The following HIPK2 variants were observed in gnomAD, a reference collection of about 807,000 sequenced individuals.
HIPK2 encodes the protein homeodomain interacting protein kinase 2.
Under a neutral mutation model 113.7 loss-of-function variants are expected in HIPK2, and 27 were observed. The observed-to-expected ratio is 0.24, with a 90% CI of 0.17 to 0.33. The LOEUF (loss-of-function observed/expected upper bound fraction) is 0.33, where lower values mean the gene tolerates loss of function less well. Among genes scored for constraint, HIPK2 ranks in the 10% least tolerant of loss-of-function variants. HIPK2 has a pLI of 1.00. For synonymous variants in HIPK2, 631 were observed against 642.2 expected, an observed-to-expected ratio of 0.98 and a Z score of 0.26; for missense variants, 1,257 against 1,588.0, an observed-to-expected ratio of 0.79 and a Z score of 3.54.
chr7:139,671,716 A>AT (rs1218483984), intron 2 of HIPK2, among the ~76,000 whole-genome samples: 3 of 151,986 alleles, frequency 2.0e-5, no homozygotes, highest in Middle Eastern at 3.2e-3. Flanking sequence ...ACCCCAGCTA[A>AT]TTTTTTTGCA....
At chr7:139,627,074 C>A (rs1178475491) in intron 5 of HIPK2, among the ~76,000 whole-genome samples, 1 of 152,186 alleles carries the variant, frequency 6.6e-6, no homozygotes, top group Non-Finnish European at 1.5e-5. Context: ...ACTGCTCCTG[C>A]TTTCATCAGT....
At chr7:139,666,665 T>C (rs1369581682) in intron 2 of HIPK2, among the ~76,000 whole-genome samples, 2 of 152,202 alleles carry the variant, frequency 1.3e-5, no homozygotes, top group African/African-American at 2.4e-5. Context: ...TTTGGGGATA[T>C]GGACTGATGC....
At chr7:139,710,027 C>T (rs1795015846) in intron 2 of HIPK2, among the ~76,000 whole-genome samples, 1 of 152,200 alleles carries the variant, frequency 6.6e-6, no homozygotes, top group Non-Finnish European at 1.5e-5. Flanking sequence ...TGAGTAACAA[C>T]AGTTGTCTCC....
chr7:139,671,485 T>C (rs1203553559), intron 2 of HIPK2, among the ~76,000 whole-genome samples: 1 of 152,234 alleles, frequency 6.6e-6, no homozygotes, highest in Non-Finnish European at 1.5e-5. Context: ...TTGAAGATGA[T>C]TAAGAACTGT....
intron 2 of HIPK2, among the ~76,000 whole-genome samples, chr7:139,699,382 C>T (rs1457198418): frequency 3.3e-5 from 5 of 152,126 alleles, no homozygotes; most frequent in Non-Finnish European, 4.4e-5. Context: ...GTCTCGCTTG[C>T]TAGATGGAAA....
At chr7:139,720,643 T>G (rs1795380906) in intron 1 of HIPK2, among the ~76,000 whole-genome samples, 1 of 152,220 alleles carries the variant, frequency 6.6e-6, no homozygotes, top group Non-Finnish European at 1.5e-5. Flanking sequence ...TCCATATTGT[T>G]CTAGATGTTG....
intron 1 of HIPK2, among the ~76,000 whole-genome samples, chr7:139,723,677 T>G (rs1172906334): frequency 6.6e-6 from 1 of 152,166 alleles, no homozygotes; most frequent in Non-Finnish European, 1.5e-5. Flanking sequence ...AATTATCTAC[T>G]GGAAGATCAG....
intron 2 of HIPK2, among the ~76,000 whole-genome samples, chr7:139,663,863 A>G (rs1353818055): frequency 1.3e-5 from 2 of 152,180 alleles, no homozygotes; most frequent in Non-Finnish European, 2.9e-5. Context: ...GCTTTCCCGA[A>G]GCCCACCCAT....
chr7:139,669,181 A>G (rs1311439049), intron 2 of HIPK2, among the ~76,000 whole-genome samples: 1 of 152,208 alleles, frequency 6.6e-6, no homozygotes, highest in African/African-American at 2.4e-5. Flanking sequence ...GAAGAATCAC[A>G]GAGTCCTCTC....
At chr7:139,621,276 T>C (rs1157536057) in intron 6 of HIPK2, among the ~76,000 whole-genome samples, 2 of 152,014 alleles carry the variant, frequency 1.3e-5, no homozygotes, top group Admixed American at 1.3e-4. Flanking sequence ...CTTAGGGAGG[T>C]AGGGAGTTTG....
intron 1 of HIPK2, chr7:139,722,153 C>A: frequency 4.6e-6 from 1 of 216,700 alleles, no homozygotes; most frequent in South Asian, 5.3e-5. Context: ...CACTGAAGAA[C>A]AAATTTATTA....
Position 139,613,167 on chromosome 7 carries a change from G to A in HIPK2, c.2112+35C>T. 1 of 1,610,936 alleles carries A rather than the reference G, an allele frequency of 6.2e-7. No individual in the cohort carries two copies. The highest frequency in any genetic ancestry group is 1.7e-5 in the Admixed American group (1 of 59,834). On this transcript the variant is annotated intron_variant, in intron 9 of 14. Coordinates refer to ENST00000406875, the MANE Select transcript of HIPK2 (RefSeq NM_022740.5). This position sits in a 1 kb window ranked among gnomAD's most constrained non-coding sequence, Gnocchi z 4.2. ...TGTGAACAACATTAACACAGGTAAT[G>A]GTAATACCAGTAATAATAAAGGAGA...
At position 139,581,550 on chromosome 7, in the gene HIPK2, T is replaced by C. The variant is rs566303740; in HGVS notation, c.2965+2267A>G. 1.4e-4 allele frequency among the ~76,000 whole-genome samples: 21 copies of C among 151,452 alleles called. No homozygotes were observed. The South Asian group carries it at 4.0e-3, about 29-fold the overall frequency. Reference sequence around the variant, plus strand: ...AAAGACTGAGAGCCACAGGAGGGGGTGAGTATGGCGGGGAAACAGCAGTGC... The same window carrying C: ...AAAGACTGAGAGCCACAGGAGGGGGCGAGTATGGCGGGGAAACAGCAGTGC... On this transcript the variant is annotated intron_variant, in intron 13 of 14. Coordinates refer to ENST00000406875, the MANE Select transcript of HIPK2 (RefSeq NM_022740.5).
chr7:139,674,425 C>T lies in HIPK2; in HGVS notation c.1103+41507G>A, dbSNP rs1386521933. On this transcript the variant is annotated intron_variant, in intron 2 of 14. Transcript: ENST00000406875. ...GACTTAAAGGAGAGCTCGGTAGTGT[C>T]AGAAGAGCGCAAATCCATCCTGGGG... Among the ~76,000 whole-genome samples the T allele has an allele frequency of 2.0e-5, 3 of 152,176 alleles. No homozygotes were observed. In the East Asian group the frequency reaches 5.8e-4, roughly 29 times the overall value.
chr7:139,724,413 G>A (rs537928679), intron 1 of HIPK2, among the ~76,000 whole-genome samples: 65 of 152,134 alleles, frequency 4.3e-4, no homozygotes, highest in African/African-American at 1.4e-3. Flanking sequence ...AATGTCCCTG[G>A]GGCTTTTATA....
intron 1 of HIPK2, among the ~76,000 whole-genome samples, chr7:139,740,306 C>T (rs1223940727): frequency 6.6e-6 from 1 of 152,206 alleles, no homozygotes; most frequent in East Asian, 1.9e-4. Flanking sequence ...CGCTCAGTGC[C>T]AGCAGCATGC....
intron 2 of HIPK2, among the ~76,000 whole-genome samples, chr7:139,648,708 T>C (rs1340091095): frequency 6.6e-6 from 1 of 152,014 alleles, no homozygotes; most frequent in Non-Finnish European, 1.5e-5. Context: ...TCTGCATCAT[T>C]ACGGAGGACG....
chr7:139,684,919 C>T (rs1010399819), intron 2 of HIPK2, among the ~76,000 whole-genome samples: 2 of 152,212 alleles, frequency 1.3e-5, no homozygotes, highest in African/African-American at 4.8e-5. Flanking sequence ...CCAGCCACAA[C>T]ACTCCCTTCA....
chr7:139,676,931 G>A (rs1444774427), intron 2 of HIPK2, among the ~76,000 whole-genome samples: 3 of 149,622 alleles, frequency 2.0e-5, no homozygotes, highest in Admixed American at 6.7e-5. Flanking sequence ...GCATGATCTC[G>A]GCTCACTGCA....
Sources: allele counts gnomAD v4.1 joint callset (sites outside exome capture counted in the v4.1 genomes callset), GRCh38; gene constraint gnomAD v4.1.1; non-coding constraint Gnocchi (gnomAD v3.1); transcripts MANE v1.5; gene names NCBI Gene and HGNC (gene_info 2026-07-23, HGNC 2026-07-21).